The following ITGB6 variants were observed in gnomAD, a reference collection of about 807,000 sequenced individuals.
ITGB6 encodes the protein integrin beta-6.
A neutral mutation model predicts 84.5 loss-of-function variants in ITGB6; 80 were observed. The observed-to-expected ratio is 0.95, with a 90% CI of 0.79 to 1.14. The LOEUF is 1.14. ITGB6 is among the 50% of genes most tolerant of loss of function. The pLI is 0.00. For missense variants in ITGB6, 1,006 were observed against 968.0 expected, an observed-to-expected ratio of 1.04 and a Z score of -0.52; for synonymous variants, 383 against 354.9, an observed-to-expected ratio of 1.08 and a Z score of -0.89.
intron 12 of ITGB6, among the ~76,000 whole-genome samples, chr2:160,117,635 G>A (rs1265627663): frequency 6.6e-6 from 1 of 152,088 alleles, no homozygotes; most frequent in Non-Finnish European, 1.5e-5. Context: ...ACATTCAAAA[G>A]CTAGCAGAAG....
chr2:160,150,830 A>C lies in ITGB6; in HGVS notation c.1018-8759T>G, dbSNP rs533981716. 2.6e-5 allele frequency among the ~76,000 whole-genome samples: 4 copies of C among 152,298 alleles called. No homozygotes were observed. The South Asian group carries it at 8.3e-4, about 32-fold the overall frequency. ...CTAGTTTCTGATAAAACAGACTTTA[A>C]ACCAACAAAGATCAAAAGAGACAAA... On this transcript the variant is annotated intron_variant, in intron 7 of 14. Transcript: ENST00000283249.
rs747326032 is a variant in ITGB6 at position 160,141,991 on chromosome 2, T to C, written c.1098A>G (p.Ser366=). 2 of 1,586,684 alleles carry C rather than the reference T, an allele frequency of 1.3e-6. No homozygotes were observed. The highest frequency in any genetic ancestry group is 1.7e-6 in the Non-Finnish European group (2 of 1,158,492). The part of the protein sequence containing the change: ...DSGNILQLII[S]AYEELRSEVE... ...CTGTAAAATATCCTACTTCATAAGC[T>C]GAGATGATCAGCTGGAGAATGTTTC... Residue 366 remains serine, a synonymous_variant, in exon 8 of 15, where the codon TCA becomes TCG. Transcript: ENST00000283249.
intron 4 of ITGB6, among the ~76,000 whole-genome samples, chr2:160,184,045 C>A (rs1685796739): frequency 6.6e-6 from 1 of 152,160 alleles, no homozygotes; most frequent in Admixed American, 6.5e-5. Flanking sequence ...CTAACATCGA[C>A]ACCCTAACAT....
At chr2:160,184,558 GA>G (rs1422029206) in intron 4 of ITGB6, among the ~76,000 whole-genome samples, 1 of 152,106 alleles carries the variant, frequency 6.6e-6, no homozygotes, top group Non-Finnish European at 1.5e-5. Context: ...GTACAAAGAG[GA>G]GCTGGTACCA....
chr2:160,178,951 C>A (rs1473910547), intron 4 of ITGB6: 2 of 152,068 alleles, frequency 1.3e-5, no homozygotes, highest in Non-Finnish European at 2.9e-5. Context: ...CTCGCCTCGG[C>A]CTCCAAAAGT....
chr2:160,112,453 T>C (rs1682577778), intron 12 of ITGB6, among the ~76,000 whole-genome samples: 2 of 152,078 alleles, frequency 1.3e-5, no homozygotes, highest in African/African-American at 2.4e-5. Context: ...ACGGGCAGGA[T>C]TGCAACAGGC....
At chr2:160,175,435 T>G (rs1350442729) in intron 4 of ITGB6, among the ~76,000 whole-genome samples, 3 of 152,226 alleles carry the variant, frequency 2.0e-5, no homozygotes, top group Non-Finnish European at 1.5e-5. Flanking sequence ...TCTCCCTATA[T>G]GCACATTCCC....
chr2:160,189,316 C>T (rs1483314077), intron 4 of ITGB6, among the ~76,000 whole-genome samples: 2 of 152,248 alleles, frequency 1.3e-5, no homozygotes, highest in South Asian at 2.1e-4. Context: ...GACTAAAACA[C>T]CAAAAGCAAT....
chr2:160,133,239 C>G (rs1048583467), intron 10 of ITGB6, among the ~76,000 whole-genome samples: 67 of 151,344 alleles, frequency 4.4e-4, no homozygotes, highest in African/African-American at 1.6e-3. Flanking sequence ...AAACGGAAAA[C>G]AAAAAAAGGC....
intron 7 of ITGB6, among the ~76,000 whole-genome samples, chr2:160,154,699 G>C (rs773925858): frequency 1.3e-5 from 2 of 150,646 alleles, no homozygotes; most frequent in Non-Finnish European, 3.0e-5. Context: ...TAGGTGAATA[G>C]TTTAAAAAAA....
At chr2:160,121,717 T>C (rs2105795209) in intron 12 of ITGB6, among the ~76,000 whole-genome samples, 1 of 151,690 alleles carries the variant, frequency 6.6e-6, no homozygotes, top group South Asian at 2.1e-4. Flanking sequence ...GCAGTGAGCC[T>C]TGATCACGCC....
chr2:160,184,783 G>A (rs555950299), intron 4 of ITGB6, among the ~76,000 whole-genome samples: 2 of 152,228 alleles, frequency 1.3e-5, no homozygotes, highest in East Asian at 1.9e-4. Context: ...TATCCACCAC[G>A]ATCAAGCTGG....
At chr2:160,140,214 C>T (rs1399728289) in intron 8 of ITGB6, among the ~76,000 whole-genome samples, 2 of 152,144 alleles carry the variant, frequency 1.3e-5, no homozygotes, top group Non-Finnish European at 2.9e-5. Context: ...CCCTGTGAAT[C>T]ATAAAGCTCC....
intron 8 of ITGB6, 67 bp from the exon 9 acceptor site, chr2:160,138,266 G>C (rs113394624): frequency 2.1e-6 from 3 of 1,423,018 alleles, no homozygotes; most frequent in African/African-American, 2.9e-5. Flanking sequence ...AGAAGAAACC[G>C]TGAATCATGT....
intron 12 of ITGB6, among the ~76,000 whole-genome samples, chr2:160,121,875 A>T (rs1683055835): frequency 6.6e-6 from 1 of 151,134 alleles, no homozygotes; most frequent in Non-Finnish European, 1.5e-5. Context: ...ATTCATACAG[A>T]TTATAAAGTT....
rs768286917 is a variant in ITGB6 at position 160,200,108 on chromosome 2, C to A, written c.-45G>T. ...GCAGACCGATTAAAAAATGAATTAC[C>A]TTCAGCGTTACAAGACCAACGCTGA... is the stretch of plus-strand genomic sequence containing the variant. On this transcript the variant is annotated 5_prime_UTR_variant, in exon 1 of 15. It adds an upstream start codon to the 5' untranslated region. Transcript: ENST00000283249. The A allele has an allele frequency of 1.3e-6, 2 of 1,533,486 alleles. No individual in the cohort carries two copies. The highest frequency in any genetic ancestry group is 2.3e-5 in the South Asian group (2 of 88,484). The allele number at this position is 1,533,486 out of a possible 1,614,324, so 95.0% of individuals were successfully genotyped here.
rs779439883 is a variant in ITGB6, at chr2:160,199,227, A to G, written c.93T>C (p.Cys31=). 6.2e-7 allele frequency: 1 copy of G among 1,614,154 alleles called. No individual in the cohort carries two copies. The highest frequency in any genetic ancestry group is 8.5e-7 in the Non-Finnish European group (1 of 1,179,990). Residue 31 remains cysteine, a synonymous_variant, in exon 2 of 15, where the codon TGT becomes TGC. Transcript: ENST00000283249. ...GAGGTCCAATAAGCAGGCAGTCTTC[A>G]CAGGTTTCTGCACCTCCCAGGGCAC... ...GGCALGGAET[C]EDCLLIGPQC...
Position 160,123,883 on chromosome 2 carries a change from C to T in ITGB6, c.1889G>A (p.Cys630Tyr). The T allele has an allele frequency of 6.2e-7, 1 of 1,612,662 alleles. No individual in the cohort carries two copies. Among genetic ancestry groups the T allele is most frequent in the Non-Finnish European group, 8.5e-7 (1 of 1,178,948 alleles). ...CGDPCNSKRS[C>Y]IECHLSAAGQ... is the part of the protein sequence containing the mutation. ...AGCTGCTGACAGGTGGCACTCAATG[C>T]AGCTCCTGTGGACAGTATCCAACAG... is the stretch of plus-strand genomic sequence containing the variant. The change falls in exon 12 of 15, where the codon TGC becomes TAC. Residue 630 changes from cysteine (C) to tyrosine (Y), a missense_variant. By Grantham distance (194) the Cys-to-Tyr change is radical. Transcript: ENST00000283249.
intron 13 of ITGB6, among the ~76,000 whole-genome samples, 160 bp downstream of exon 13, chr2:160,111,920 C>T (rs1210375547): frequency 5.9e-5 from 9 of 152,138 alleles, no homozygotes. Context: ...CATACTGAAC[C>T]TTCTAACTGG....
Sources: gnomAD v4.1 joint callset for allele counts (sites outside exome capture counted in the v4.1 genomes callset) on GRCh38, gnomAD v4.1.1 for gene constraint, MANE v1.5 for transcripts, NCBI Gene and HGNC (gene_info 2026-07-23, HGNC 2026-07-21) for gene names.